The following SCARA5 variants were observed in gnomAD, a reference collection of about 807,000 sequenced individuals.
SCARA5 encodes scavenger receptor class A member 5.
SCARA5 carries 45 observed loss-of-function variants against 46.3 expected under a neutral mutation model. That is an observed-to-expected ratio of 0.97 (90% CI 0.76 to 1.24). The LOEUF (loss-of-function observed/expected upper bound fraction) is 1.24, where lower values mean the gene tolerates loss of function less well. Ranked by LOEUF, SCARA5 falls within the 50% of genes most tolerant of loss-of-function variation. The pLI, the probability that SCARA5 is intolerant of heterozygous loss-of-function variation, is 0.00. For synonymous variants in SCARA5, 333 were observed against 306.5 expected (o/e 1.09, Z -0.90); for missense variants, 680 against 689.0 (o/e 0.99, Z 0.15).
chr8:27,916,842 G>C (rs1364647360), intron 4 of SCARA5, among the ~76,000 whole-genome samples: 1 of 152,128 alleles, frequency 6.6e-6, no homozygotes, highest in Admixed American at 6.6e-5. Context: ...CTGAGTGTTT[G>C]CATCCCCCCC....
intron 2 of SCARA5, among the ~76,000 whole-genome samples, chr8:27,968,823 A>G (rs548692603): frequency 6.6e-6 from 1 of 152,212 alleles, no homozygotes; most frequent in South Asian, 2.1e-4. Flanking sequence ...ATGTGCAATG[A>G]TGTCTATTTT....
intron 2 of SCARA5, among the ~76,000 whole-genome samples, chr8:27,972,850 G>A (rs1412163977): frequency 6.6e-6 from 1 of 152,114 alleles, no homozygotes; most frequent in Non-Finnish European, 1.5e-5. Flanking sequence ...GGCAGAGCAA[G>A]ACCCTGACTC....
At chr8:27,909,319 G>A (rs1272363313) in intron 5 of SCARA5, among the ~76,000 whole-genome samples, 1 of 152,134 alleles carries the variant, frequency 6.6e-6, no homozygotes, top group African/African-American at 2.4e-5. Flanking sequence ...ACACTGATGG[G>A]ACAGCATCTT....
At chr8:27,924,378 T>A (rs982447414) in intron 3 of SCARA5, among the ~76,000 whole-genome samples, 5 of 152,354 alleles carry the variant, frequency 3.3e-5, no homozygotes, top group Non-Finnish European at 7.3e-5. Context: ...TCTCTAGCCA[T>A]GGAAAGATCA....
rs1807597514 is a variant in SCARA5, at chr8:27,921,898, G to A, written c.589C>T (p.Leu197=). 5.3e-6 allele frequency: 8 copies of A among 1,509,382 alleles called. No individual in the cohort carries two copies. Among genetic ancestry groups the A allele is most frequent in the Non-Finnish European group, 7.0e-6 (8 of 1,136,732 alleles). 93.5% of individuals were successfully genotyped at this position (1,509,382 alleles called of 1,614,324 possible). A position where few individuals can be genotyped will look rare whatever the true frequency, so the allele number is the denominator to read the frequency against. The change falls in exon 4 of 9, where the codon CTG becomes TTG. Residue 197 remains leucine, a synonymous_variant. Transcript: ENST00000354914. The part of the protein sequence containing the change: ...QLQVESNSSQ[L]LLRRHAGLLD... ...AGGCCCGCGTGGCGCCTCAGCAGCA[G>A]CTGGCTACTGTTGCTCTCCACCTGC...
chr8:27,974,518 A>G (rs1808493845), intron 2 of SCARA5, among the ~76,000 whole-genome samples: 1 of 152,014 alleles, frequency 6.6e-6, no homozygotes, highest in Non-Finnish European at 1.5e-5. Flanking sequence ...ACAAACAGCT[A>G]CTTTCTTCTT....
intron 2 of SCARA5, among the ~76,000 whole-genome samples, chr8:27,970,161 G>T (rs924132733): frequency 6.6e-6 from 1 of 152,204 alleles, no homozygotes. Flanking sequence ...CGCCCACAGA[G>T]AGGCTTATGT....
chr8:27,932,038 G>T (rs1585497735), intron 3 of SCARA5, among the ~76,000 whole-genome samples: 1 of 151,996 alleles, frequency 6.6e-6, no homozygotes, highest in African/African-American at 2.4e-5. Flanking sequence ...GAGTGCAGTG[G>T]CGTCATCTCG....
chr8:27,953,676 T>C (rs756244367), intron 3 of SCARA5, among the ~76,000 whole-genome samples: 2 of 152,234 alleles, frequency 1.3e-5, no homozygotes, highest in East Asian at 3.9e-4. Context: ...ACACATGAGA[T>C]GCATGGCGAA....
chr8:27,989,624 G>C (rs142025085), intron 1 of SCARA5, among the ~76,000 whole-genome samples: 1 of 152,194 alleles, frequency 6.6e-6, no homozygotes, highest in African/African-American at 2.4e-5. Context: ...CAGCCTTGGG[G>C]CTCCCAGTAT....
chr8:27,914,878 G>A (rs1438405498), intron 4 of SCARA5, among the ~76,000 whole-genome samples: 1 of 152,148 alleles, frequency 6.6e-6, no homozygotes, highest in African/African-American at 2.4e-5. Flanking sequence ...GAAGCACCGG[G>A]GTTTTCCTGG....
At chr8:27,956,050 A>C (rs1343054078) in intron 3 of SCARA5, among the ~76,000 whole-genome samples, 1 of 152,196 alleles carries the variant, frequency 6.6e-6, no homozygotes, top group Non-Finnish European at 1.5e-5. Flanking sequence ...TTGTTAAATA[A>C]CCAAGTGGGG....
chr8:27,958,913 G>A (rs971719128), intron 3 of SCARA5, among the ~76,000 whole-genome samples: 3 of 152,142 alleles, frequency 2.0e-5, no homozygotes, highest in South Asian at 2.1e-4. Flanking sequence ...ATGTAGGGTC[G>A]TGTATCACTA....
chr8:27,957,994 G>A (rs949025817), intron 3 of SCARA5, among the ~76,000 whole-genome samples: 1 of 149,438 alleles, frequency 6.7e-6, no homozygotes, highest in Admixed American at 6.6e-5. Flanking sequence ...ACAAATGGAT[G>A]AGCGTGTCTG....
In SCARA5 at chr8:27,907,180, G is replaced by A; in HGVS notation, c.1064C>T (p.Ala355Val). 1 of 1,613,586 alleles carries A rather than the reference G, an allele frequency of 6.2e-7. No individual in the cohort carries two copies. The highest frequency in any genetic ancestry group is 1.1e-5 in the South Asian group (1 of 90,968). ...GPKGDDGKLG[A>V]TGPMGMRGFK... ...CCCACGCATGCCCATTGGTCCTGTG[G>A]CCCCCAGCTTCCCATCATCGCCCTT... The change falls in exon 6 of 9, where the codon GCC becomes GTC. Residue 355 changes from alanine (A) to valine (V), a missense_variant. Transcript: ENST00000354914.
intron 3 of SCARA5, among the ~76,000 whole-genome samples, chr8:27,930,497 G>T (rs913896599): frequency 2.0e-5 from 3 of 152,014 alleles, no homozygotes; most frequent in African/African-American, 4.8e-5. Flanking sequence ...CCGCCTCCTG[G>T]GTTCAAGCCA....
intron 3 of SCARA5, among the ~76,000 whole-genome samples, chr8:27,941,786 C>T (rs1165037378): frequency 1.4e-5 from 2 of 143,834 alleles, no homozygotes; most frequent in Non-Finnish European, 3.0e-5. Flanking sequence ...ACATTTAATC[C>T]CCATTTACAT....
intron 3 of SCARA5, among the ~76,000 whole-genome samples, chr8:27,963,818 T>C (rs1808325434): frequency 6.6e-6 from 1 of 152,088 alleles, no homozygotes; most frequent in African/African-American, 2.4e-5. Context: ...CACCGAGATG[T>C]TGCTAATCCC....
chr8:27,907,207 G>A lies in SCARA5; in HGVS notation c.1037C>T (p.Pro346Leu). ...GERGTPGLPG[P>L]KGDDGKLGAT... ...CCCCAGCTTCCCATCATCGCCCTTG[G>A]GCCCGGGCAATCCTGGGGTACCTCT... Residue 346 changes from proline (P) to leucine (L), a missense_variant, in exon 6 of 9, where the codon CCC becomes CTC. By Grantham distance (98) the Pro-to-Leu change is moderately conservative. This residue lies in a region of SCARA5 where 219 missense variants were observed against 269.5 expected (regional missense o/e 0.81). Coordinates refer to ENST00000354914, the MANE Select transcript of SCARA5 (RefSeq NM_173833.6). 2.5e-6 allele frequency: 4 copies of A among 1,613,628 alleles called. No homozygotes were observed. Among genetic ancestry groups the A allele is most frequent in the Non-Finnish European group, 3.4e-6 (4 of 1,179,822 alleles).
Sources: gnomAD v4.1 joint callset for allele counts (sites outside exome capture counted in the v4.1 genomes callset) on GRCh38, gnomAD v4.1.1 for gene constraint, gnomAD v4.1.1 regional missense constraint, MANE v1.5 for transcripts, NCBI Gene and HGNC (gene_info 2026-07-23, HGNC 2026-07-21) for gene names.